Variants in MAP7D1 observed in about 807,000 individuals in gnomAD.
MAP7D1 encodes the protein MAP7 domain-containing protein 1.
MAP7D1 carries 30 observed loss-of-function variants against 97.5 expected under a neutral mutation model. The ratio of observed to expected loss-of-function variants is 0.31; its 90% CI spans 0.23 to 0.42. The LOEUF (loss-of-function observed/expected upper bound fraction) is 0.42, where lower values mean the gene tolerates loss of function less well. Ranked by LOEUF, MAP7D1 falls within the 10% of genes least tolerant of loss-of-function variation. The pLI, the probability that MAP7D1 is intolerant of heterozygous loss-of-function variation, is 1.00. For missense variants in MAP7D1, 1,184 were observed against 1,179.5 expected (o/e 1.00, Z -0.06); for synonymous variants, 536 against 477.1 (o/e 1.12, Z -1.61).
chr1:36,176,074 G>A lies in MAP7D1; in HGVS notation c.851-125G>A. 1 of 1,039,726 alleles carries A rather than the reference G, an allele frequency of 9.6e-7. No homozygotes were observed. Among genetic ancestry groups the A allele is most frequent in the Non-Finnish European group, 1.4e-6 (1 of 734,840 alleles). 64.4% of individuals were successfully genotyped at this position (1,039,726 alleles called of 1,614,324 possible). A position where few individuals can be genotyped will look rare whatever the true frequency, so the allele number is the denominator to read the frequency against. ...AAGTGTGGCCCCGGTGTGATTGTGG[G>A]GAGAGGACTCCCGGGTGAGAAGCCT... On this transcript the variant is annotated intron_variant, in intron 6 of 16. Transcript: ENST00000474796. The surrounding 1 kb of genome is among the most constrained non-coding windows in gnomAD (Gnocchi z 6.1).
At position 36,180,158 on chromosome 1, in the gene MAP7D1, G is replaced by A. The variant is rs572327135; in HGVS notation, c.2513-90G>A. 4.7e-5 allele frequency: 75 copies of A among 1,608,854 alleles called. No homozygotes were observed. The Middle Eastern group carries it at 7.2e-4, about 15-fold the overall frequency. ...CTGCCTTCTCTTCTGGCTCTGCCAG[G>A]CACCCTCTCCTGCTCCACCCTGAAG... On this transcript the variant is annotated intron_variant, in intron 16 of 16. Coordinates refer to ENST00000474796, the MANE Select transcript of MAP7D1 (RefSeq NM_001388490.1).
At chr1:36,177,337 C>T (rs1644641500) in intron 8 of MAP7D1, 1 of 307,486 alleles carries the variant, frequency 3.3e-6, no homozygotes, top group Middle Eastern at 8.8e-4. Context: ...TAAAATAGTG[C>T]CTGGCACCTG....
intron 1 of MAP7D1, among the ~76,000 whole-genome samples, chr1:36,161,745 T>C (rs576991068): frequency 6.6e-6 from 1 of 152,238 alleles, no homozygotes; most frequent in African/African-American, 2.4e-5. Context: ...GTGCTGTGTG[T>C]GTCTCTGAGG....
chr1:36,177,390 C>T (rs6686192), intron 8 of MAP7D1: 188,617 of 368,280 alleles, frequency 0.51, 49,809 homozygotes, highest in Non-Finnish European at 0.57. Flanking sequence ...AGGGTAGTGC[C>T]TCACGCCCGT....
At position 36,156,473 on chromosome 1, in the gene MAP7D1, G is replaced by C. The variant is rs771901097; in HGVS notation, c.46+10G>C. ...GCGGGCGCACCCCCAGGTATGCCGG[G>C]AGCCACGCGGAGGCGAGATGGGGGT... On this transcript the variant is annotated intron_variant, in intron 1 of 16. Coordinates refer to ENST00000474796, the MANE Select transcript of MAP7D1 (RefSeq NM_001388490.1). 2 of 1,454,266 alleles carry C rather than the reference G, an allele frequency of 1.4e-6. No homozygotes were observed. The highest frequency in any genetic ancestry group is 5.5e-5 in the Admixed American group (2 of 36,488). 90.1% of individuals were successfully genotyped at this position (1,454,266 alleles called of 1,614,324 possible). A position where few individuals can be genotyped will look rare whatever the true frequency, so the allele number is the denominator to read the frequency against.
chr1:36,160,440 C>T (rs1050351615), intron 1 of MAP7D1, among the ~76,000 whole-genome samples: 1 of 152,228 alleles, frequency 6.6e-6, no homozygotes, highest in Admixed American at 6.5e-5. Flanking sequence ...TTATCTCTGA[C>T]TTATTATCTC....
At chr1:36,177,825 T>C in intron 8 of MAP7D1, 48 bp from the exon 9 acceptor site, 2 of 1,519,992 alleles carry the variant, frequency 1.3e-6, no homozygotes, top group Non-Finnish European at 1.8e-6. Context: ...GTTCTCAGCG[T>C]GTGGGTGTGT....
chr1:36,178,051 G>A lies in MAP7D1; in HGVS notation c.1558G>A (p.Ala520Thr), dbSNP rs763817876. 2.5e-6 allele frequency: 4 copies of A among 1,612,580 alleles called. No homozygotes were observed. The highest frequency in any genetic ancestry group is 2.2e-5 in the South Asian group (2 of 90,980). Residue 520 changes from alanine to threonine, a missense_variant, in exon 9 of 17, where the codon GCC becomes ACC. Transcript: ENST00000474796. ...GGAGGAGGCAAAGGAGAGCCCCAGC[G>A]CCGCAGGGCCCGAGGACAAGAGCCA... ...RKEEAKESPS[A>T]AGPEDKSQSK...
chr1:36,178,945 C>A lies in MAP7D1; in HGVS notation c.2050C>A (p.Arg684=). 1 of 1,557,286 alleles carries A rather than the reference C, an allele frequency of 6.4e-7. No homozygotes were observed. The highest frequency in any genetic ancestry group is 1.9e-5 in the Admixed American group (1 of 51,568). ...GAAAGAGGAGGCCGAAGCTCGGTCG[C>A]GGGAAGAGGCGGAGCGGCAGCGTCT... ...KQKEEAEARS[R]EEAERQRLER... Residue 684 remains arginine, a synonymous_variant, in exon 12 of 17, where the codon CGG becomes AGG. Coordinates refer to ENST00000474796, the MANE Select transcript of MAP7D1 (RefSeq NM_001388490.1).
At position 36,156,573 on chromosome 1, in the gene MAP7D1, T is replaced by A. The variant is rs1252589429; in HGVS notation, c.46+110T>A. On this transcript the variant is annotated intron_variant, in intron 1 of 16. Transcript: ENST00000474796. ...GGGACCCCTCCGCTGCCGCGCCCTC[T>A]GACCACTTGGAAGTTTAAAAATAAA... The A allele has an allele frequency of 5.8e-6, 5 of 863,912 alleles. No individual in the cohort carries two copies. The African/African-American group carries it at 8.9e-5, about 15-fold the overall frequency. 53.5% of individuals were successfully genotyped at this position (863,912 alleles called of 1,614,324 possible).
intron 13 of MAP7D1, 72 bp downstream of exon 13, chr1:36,179,387 C>T (rs1644682930): frequency 1.3e-6 from 2 of 1,594,082 alleles, no homozygotes; most frequent in African/African-American, 1.3e-5. Flanking sequence ...GGAAAGGCAT[C>T]CATGGCCACG....
chr1:36,177,287 GTTTT>G (rs1323647175), intron 8 of MAP7D1, among the ~76,000 whole-genome samples: 5 of 150,902 alleles, frequency 3.3e-5, no homozygotes, highest in Admixed American at 3.3e-4. Context: ...TTTTGTTTTT[GTTTT>G]TTTAAGTGTT....
At chr1:36,158,709 A>G (rs961130369) in intron 1 of MAP7D1, among the ~76,000 whole-genome samples, 12 of 152,196 alleles carry the variant, frequency 7.9e-5, no homozygotes, top group African/African-American at 2.9e-4. Context: ...ATAAAGTGTT[A>G]TTACCATTAT....
Position 36,178,027 on chromosome 1 carries a change from G to A in MAP7D1, c.1534G>A (p.Glu512Lys), listed in dbSNP as rs759145551. The A allele has an allele frequency of 6.2e-7, 1 of 1,613,644 alleles. No individual in the cohort carries two copies. The highest frequency in any genetic ancestry group is 1.1e-5 in the South Asian group (1 of 91,066). The change falls in exon 9 of 17, where the codon GAG (glutamate) becomes AAG (lysine). Residue 512 changes from glutamate to lysine, a missense_variant. Transcript: ENST00000474796. ...CCCCAAGGGGCGGGTTCGGAGGAAG[G>A]AGGAGGCAAAGGAGAGCCCCAGCGC... ...ASPKGRVRRK[E>K]EAKESPSAAG...
chr1:36,166,727 G>A (rs997318735), intron 1 of MAP7D1, among the ~76,000 whole-genome samples: 1 of 152,170 alleles, frequency 6.6e-6, no homozygotes, highest in African/African-American at 2.4e-5. Context: ...TCTGGCTACT[G>A]TGTTGAGAAA....
chr1:36,158,456 A>G (rs984261851), intron 1 of MAP7D1, among the ~76,000 whole-genome samples: 1 of 152,162 alleles, frequency 6.6e-6, no homozygotes, highest in African/African-American at 2.4e-5. Flanking sequence ...GACACTGAGC[A>G]GTAACAGGGG....
At position 36,172,643 on chromosome 1, in the gene MAP7D1, C is replaced by T; in HGVS notation, c.624+16C>T. On this transcript the variant is annotated intron_variant, in intron 4 of 16. Coordinates refer to ENST00000474796, the MANE Select transcript of MAP7D1 (RefSeq NM_001388490.1). ...GAAAAACAAGGTGCGGGATGGGTCT[C>T]CGTGAATCCATGTACACGTGTGCTC... 1 of 1,550,362 alleles carries T rather than the reference C, an allele frequency of 6.5e-7. No individual in the cohort carries two copies. Among genetic ancestry groups the T allele is most frequent in the Non-Finnish European group, 8.8e-7 (1 of 1,137,052 alleles).
intron 1 of MAP7D1, among the ~76,000 whole-genome samples, chr1:36,160,499 A>T (rs1644392357): frequency 1.3e-5 from 2 of 152,230 alleles, no homozygotes; most frequent in Admixed American, 1.3e-4. Flanking sequence ...TCAGCATGTC[A>T]CGGGCATTGT....
chr1:36,161,699 C>T (rs1245879390), intron 1 of MAP7D1, among the ~76,000 whole-genome samples: 5 of 152,170 alleles, frequency 3.3e-5, no homozygotes, highest in South Asian at 2.1e-4. Flanking sequence ...ACCTGGATGA[C>T]GCTGTATAAA....
Sources: gnomAD v4.1 joint callset for allele counts (sites outside exome capture counted in the v4.1 genomes callset) on GRCh38, gnomAD v4.1.1 for gene constraint, Gnocchi (gnomAD v3.1) non-coding constraint, MANE v1.5 for transcripts, NCBI Gene and HGNC (gene_info 2026-07-23, HGNC 2026-07-21) for gene names.